Variants in ZNF391 observed in about 807,000 individuals in gnomAD.
The protein encoded by ZNF391 is zinc finger protein 391.
For missense variants in ZNF391, 375 were observed against 425.5 expected (o/e 0.88, Z 1.04); for synonymous variants, 126 against 142.1 (o/e 0.89, Z 0.80).
At chr6:27,397,669 G>A (rs903124506) in intron 1 of ZNF391, among the ~76,000 whole-genome samples, 4 of 152,068 alleles carry the variant, frequency 2.6e-5, no homozygotes, top group East Asian at 1.9e-4. Flanking sequence ...TCACTCTGTT[G>A]CCCAGGCTGG....
intron 1 of ZNF391, among the ~76,000 whole-genome samples, chr6:27,382,962 A>G (rs915007722): frequency 6.6e-6 from 1 of 152,102 alleles, no homozygotes; most frequent in Admixed American, 6.5e-5. Flanking sequence ...TCTACCAAAA[A>G]TACAAAAATT....
In ZNF391 at chr6:27,401,668, C is replaced by T. The variant is rs1761974127; in HGVS notation, c.*221C>T. 2.5e-6 allele frequency: 1 copy of T among 407,998 alleles called. No homozygotes were observed. Among genetic ancestry groups the T allele is most frequent in the East Asian group, 3.7e-5 (1 of 27,176 alleles). The allele number at this position is 407,998 out of a possible 1,614,324, so 25.3% of individuals were successfully genotyped here. ...TCCTTCCTACTTTTTCTCCCTCTCC[C>T]TGTTCTTTCTTTCTCTTTTCTCAAA... On this transcript the variant is annotated 3_prime_UTR_variant, in exon 3 of 3. Coordinates refer to ENST00000244576, the MANE Select transcript of ZNF391 (RefSeq NM_001076781.3).
At chr6:27,384,209 A>G (rs1048645543), upstream of ZNF391, among the ~76,000 whole-genome samples, 3 of 152,192 alleles carry the variant, frequency 2.0e-5, no homozygotes, top group African/African-American at 7.2e-5. Flanking sequence ...CAAGCCTGTA[A>G]TCCCAGCACT....
Position 27,401,604 on chromosome 6 carries a change from A to C in ZNF391, c.*157A>C. 3.9e-6 allele frequency: 2 copies of C among 516,592 alleles called. No individual in the cohort carries two copies. The highest frequency in any genetic ancestry group is 3.2e-6 in the Non-Finnish European group (1 of 308,908). 32.0% of individuals were successfully genotyped at this position (516,592 alleles called of 1,614,324 possible). A position where few individuals can be genotyped will look rare whatever the true frequency, so the allele number is the denominator to read the frequency against. On this transcript the variant is annotated 3_prime_UTR_variant, in exon 3 of 3. Transcript: ENST00000244576. ...TTTCATTCGTTCTTTCCATCCATCT[A>C]TCCTTCTTTCGTCTCCCCTCCCTTC...
At chr6:27,394,526 C>T (rs574380570) in intron 1 of ZNF391, among the ~76,000 whole-genome samples, 1 of 152,354 alleles carries the variant, frequency 6.6e-6, no homozygotes, top group African/African-American at 2.4e-5. Flanking sequence ...GGTGTCCAGG[C>T]AGAAGCCTGC....
chr6:27,393,480 T>C (rs1212872220), intron 1 of ZNF391, among the ~76,000 whole-genome samples: 3 of 152,346 alleles, frequency 2.0e-5, no homozygotes, highest in East Asian at 3.9e-4. Flanking sequence ...CCTGAAGAAC[T>C]GTGAGCCAGT....
chr6:27,390,291 G>A (rs1024686930), intron 1 of ZNF391, among the ~76,000 whole-genome samples: 2 of 152,304 alleles, frequency 1.3e-5, no homozygotes, highest in African/African-American at 2.4e-5. Context: ...GGTGGCCAGC[G>A]CTGTTAGTGC....
At position 27,388,931 on chromosome 6, in the gene ZNF391, G is replaced by T; in HGVS notation, c.-332G>T. 2.2e-6 allele frequency: 1 copy of T among 456,306 alleles called. No homozygotes were observed. The highest frequency in any genetic ancestry group is 1.6e-5 in the South Asian group (1 of 64,506). 28.3% of individuals were successfully genotyped at this position (456,306 alleles called of 1,614,324 possible). ...ATGGGCGTTGGAGCAGCGGTTCGACGCATGGGTTTCTCTTTAATCCTTCCG... is the reference window on the plus strand; with the variant it reads ...ATGGGCGTTGGAGCAGCGGTTCGACTCATGGGTTTCTCTTTAATCCTTCCG... On this transcript the variant is annotated 5_prime_UTR_variant, in exon 1 of 3. Transcript: ENST00000244576.
chr6:27,398,785 G>C (rs978702067), intron 1 of ZNF391, among the ~76,000 whole-genome samples: 7 of 152,126 alleles, frequency 4.6e-5, no homozygotes, highest in African/African-American at 9.7e-5. Flanking sequence ...TGTGAACCCG[G>C]GAGGCGGAGC....
chr6:27,377,710 A>G (rs1461775891), intron 1 of ZNF391, among the ~76,000 whole-genome samples: 1 of 152,226 alleles, frequency 6.6e-6, no homozygotes, highest in East Asian at 1.9e-4. Context: ...CACCTTGGGT[A>G]CATGTCATCA....
rs566458918 is a variant in ZNF391, at chr6:27,389,038, C to G, written c.-225C>G. 1.8e-5 allele frequency: 8 copies of G among 455,970 alleles called. No individual in the cohort carries two copies. Among genetic ancestry groups the G allele is most frequent in the African/African-American group, 1.2e-4 (6 of 50,168 alleles). 28.2% of individuals were successfully genotyped at this position (455,970 alleles called of 1,614,324 possible). Reference sequence around the variant, plus strand: ...TGTGTCGGGGGTACTCGGCCGGAGGCGGCCGGTGAGTGAGGCTTACAGGGC... The same window carrying G: ...TGTGTCGGGGGTACTCGGCCGGAGGGGGCCGGTGAGTGAGGCTTACAGGGC... On this transcript the variant is annotated 5_prime_UTR_variant, in exon 1 of 3. Transcript: ENST00000244576.
At chr6:27,398,742 C>T (rs1310192879) in intron 1 of ZNF391, among the ~76,000 whole-genome samples, 1 of 152,028 alleles carries the variant, frequency 6.6e-6, no homozygotes, top group Non-Finnish European at 1.5e-5. Flanking sequence ...ACCTGTAGTC[C>T]CAGCTACTCG....
intron 1 of ZNF391, among the ~76,000 whole-genome samples, chr6:27,375,321 C>G (rs1026895455): frequency 4.6e-5 from 7 of 152,178 alleles, no homozygotes; most frequent in Admixed American, 4.6e-4. Flanking sequence ...TAGCACAGGC[C>G]TGAGGTCCTA....
chr6:27,385,886 ATAACT>A (rs540831143), upstream of ZNF391, among the ~76,000 whole-genome samples: 6 of 152,202 alleles, frequency 3.9e-5, no homozygotes, highest in African/African-American at 1.2e-4. Flanking sequence ...GCTGTAAAAC[ATAACT>A]TAACAAATTT....
At position 27,401,664 on chromosome 6, in the gene ZNF391, C is replaced by T. The variant is rs1761973958; in HGVS notation, c.*217C>T. 1 of 414,882 alleles carries T rather than the reference C, an allele frequency of 2.4e-6. No individual in the cohort carries two copies. The highest frequency in any genetic ancestry group is 6.3e-5 in the South Asian group (1 of 15,978). 25.7% of individuals were successfully genotyped at this position (414,882 alleles called of 1,614,324 possible). On this transcript the variant is annotated 3_prime_UTR_variant, in exon 3 of 3. Coordinates refer to ENST00000244576, the MANE Select transcript of ZNF391 (RefSeq NM_001076781.3). Reference sequence around the variant, plus strand: ...TCCCTCCTTCCTACTTTTTCTCCCTCTCCCTGTTCTTTCTTTCTCTTTTCT... The same window carrying T: ...TCCCTCCTTCCTACTTTTTCTCCCTTTCCCTGTTCTTTCTTTCTCTTTTCT...
At chr6:27,385,090 G>C (rs1761567888), upstream of ZNF391, among the ~76,000 whole-genome samples, 1 of 151,530 alleles carries the variant, frequency 6.6e-6, no homozygotes, top group Non-Finnish European at 1.5e-5. Flanking sequence ...AGTGTTATTT[G>C]AGAGTGGACT....
rs1311668415 is a variant in ZNF391, at chr6:27,401,106, G to C, written c.736G>C (p.Glu246Gln). 1 of 1,614,206 alleles carries C rather than the reference G, an allele frequency of 6.2e-7. No individual in the cohort carries two copies. The highest frequency in any genetic ancestry group is 8.5e-7 in the Non-Finnish European group (1 of 1,180,032). The change falls in exon 3 of 3, where the codon GAG (glutamate) becomes CAG (glutamine). Residue 246 changes from glutamate (E) to glutamine (Q), a missense_variant. By Grantham distance (29) the Glu-to-Gln change is conservative. Transcript: ENST00000244576. ...IIQHQRIHTG[E>Q]NPYECSKCGK... ...TCAGCATCAACGAATACACACTGGA[G>C]AGAATCCCTATGAATGCAGTAAATG...
chr6:27,391,362 C>G (rs1180974662), intron 1 of ZNF391, among the ~76,000 whole-genome samples: 1 of 152,010 alleles, frequency 6.6e-6, no homozygotes, highest in African/African-American at 2.4e-5. Context: ...CCCACCACCA[C>G]GCCCAGCTAA....
rs111318676 is a variant in ZNF391, at chr6:27,394,480, T to A, written c.-187-4962T>A. ...CAAGAGTGAAGGAGGCTTGGAAGCC[T>A]CTGCCTAGAGTTAAGAGGATGTATG... On this transcript the variant is annotated intron_variant, in intron 1 of 2. Transcript: ENST00000244576. Among the ~76,000 whole-genome samples, 65 of 152,364 alleles carry A rather than the reference T, an allele frequency of 4.3e-4. 1 individual carries two copies. Among genetic ancestry groups the A allele is most frequent in the African/African-American group, 1.5e-3 (64 of 41,588 alleles).
Sources: gnomAD v4.1 joint callset for allele counts (sites outside exome capture counted in the v4.1 genomes callset) on GRCh38, gnomAD v4.1.1 for gene constraint, MANE v1.5 for transcripts, NCBI Gene and HGNC (gene_info 2026-07-23, HGNC 2026-07-21) for gene names.